Variants in ITGB2 observed in about 807,000 individuals in gnomAD.
ITGB2 encodes the protein integrin beta-2.
ITGB2 carries 56 observed loss-of-function variants against 86.8 expected under a neutral mutation model. The observed-to-expected ratio is 0.65, with a 90% CI of 0.52 to 0.81. The LOEUF (loss-of-function observed/expected upper bound fraction) is 0.81. Ranked by LOEUF, ITGB2 falls within the 30% of genes least tolerant of loss-of-function variation. The pLI is 0.00. For synonymous variants in ITGB2, 457 were observed against 450.4 expected (o/e 1.01, Z -0.19); for missense variants, 948 against 1,061.2 (o/e 0.89, Z 1.48).
intron 11 of ITGB2, 149 bp from the exon 12 acceptor site, chr21:44,890,371 G>A (rs763926430): frequency 5.7e-5 from 56 of 987,794 alleles, no homozygotes; most frequent in Non-Finnish European, 7.3e-5. Flanking sequence ...CACTTGCCAC[G>A]GACTAAATGT....
At chr21:44,895,758 G>A (rs1216088881) in intron 8 of ITGB2, among the ~76,000 whole-genome samples, 3 of 151,758 alleles carry the variant, frequency 2.0e-5, no homozygotes, top group African/African-American at 7.3e-5. Context: ...GGAGAACCCA[G>A]GAGGCGGAGG....
chr21:44,918,968 G>GT (rs1568909557), intron 1 of ITGB2, among the ~76,000 whole-genome samples: 4 of 94,724 alleles, frequency 4.2e-5, no homozygotes, highest in African/African-American at 5.9e-5. Flanking sequence ...GGAGCTGAGC[G>GT]TCCCCTCTCC....
At chr21:44,894,382 A>G (rs529704042) in intron 9 of ITGB2, 4 of 169,280 alleles carry the variant, frequency 2.4e-5, no homozygotes, top group Non-Finnish European at 5.2e-5. Context: ...TTTCCAGAGC[A>G]GTCGGGACCT....
At chr21:44,925,472 G>A (rs144070184), upstream of ITGB2, among the ~76,000 whole-genome samples, 4,907 of 145,204 alleles carry the variant, frequency 0.034, 294 homozygotes, top group African/African-American at 0.12. Flanking sequence ...AGGAAGGAAG[G>A]AAGGAAGGAA....
Position 44,886,041 on chromosome 21 carries a change from CCT to C in ITGB2, c.*325_*326del, listed in dbSNP as rs1467518625. 2.5e-6 allele frequency: 1 copy of C among 402,232 alleles called. No individual in the cohort carries two copies. The highest frequency in any genetic ancestry group is 4.6e-6 in the Non-Finnish European group (1 of 215,988). The allele number at this position is 402,232 out of a possible 1,614,324, so 24.9% of individuals were successfully genotyped here. ...TAATTAATGGGATGTCATTTTATACCCTGACAAGTTTAAATGTAAATAAATTG... is the reference window on the plus strand; with the variant it reads ...TAATTAATGGGATGTCATTTTATACCGACAAGTTTAAATGTAAATAAATTG... On this transcript the variant is annotated 3_prime_UTR_variant, in exon 16 of 16. Transcript: ENST00000652462.
chr21:44,908,468 T>C (rs567522764), intron 3 of ITGB2, among the ~76,000 whole-genome samples: 2 of 152,216 alleles, frequency 1.3e-5, no homozygotes, highest in Non-Finnish European at 2.9e-5. Flanking sequence ...TTCCAGACAT[T>C]GTATGAAAAA....
chr21:44,925,469 AAGG>A (rs2084361765), upstream of ITGB2, among the ~76,000 whole-genome samples: 1 of 151,214 alleles, frequency 6.6e-6, no homozygotes, highest in African/African-American at 2.4e-5. Flanking sequence ...GGAAGGAAGG[AAGG>A]AAGGAAGGAA....
intron 3 of ITGB2, 146 bp from the exon 4 acceptor site, chr21:44,907,241 G>C (rs2084058278): frequency 1.5e-6 from 1 of 648,666 alleles, no homozygotes. Flanking sequence ...GACAGAGACA[G>C]GGAGCTCCTT....
chr21:44,923,831 C>G (rs559204758), upstream of ITGB2, among the ~76,000 whole-genome samples: 1 of 152,216 alleles, frequency 6.6e-6, no homozygotes, highest in Non-Finnish European at 1.5e-5. Flanking sequence ...AAGAAAGGCT[C>G]TCTATCAGAT....
chr21:44,926,550 C>A (rs939085735), intron 1 of ITGB2, among the ~76,000 whole-genome samples: 2 of 152,200 alleles, frequency 1.3e-5, no homozygotes, highest in Non-Finnish European at 2.9e-5. Context: ...TCCAGCCAAG[C>A]AGCCACAGGA....
intron 1 of ITGB2, chr21:44,928,196 C>T (rs1443360949): frequency 6.6e-6 from 1 of 152,226 alleles, no homozygotes; most frequent in Non-Finnish European, 1.5e-5. Context: ...GCCAGACAGG[C>T]TCACCTGTCA....
intron 5 of ITGB2, among the ~76,000 whole-genome samples, chr21:44,902,596 C>A (rs1237711723): frequency 6.6e-6 from 1 of 151,766 alleles, no homozygotes. Flanking sequence ...TGTGAGCATG[C>A]ATTCGCGTGT....
chr21:44,904,735 C>T (rs1216870357), intron 4 of ITGB2, among the ~76,000 whole-genome samples: 1 of 151,928 alleles, frequency 6.6e-6, no homozygotes, highest in Non-Finnish European at 1.5e-5. Context: ...CACATATACA[C>T]ATGCCACACA....
chr21:44,921,864 G>T (rs1332553777), upstream of ITGB2, among the ~76,000 whole-genome samples: 1 of 152,100 alleles, frequency 6.6e-6, no homozygotes, highest in East Asian at 1.9e-4. Context: ...TGGGATTACA[G>T]GCACATGTAC....
At chr21:44,886,940 C>T (rs2083708487) in intron 14 of ITGB2, 38 bp from the exon 15 acceptor site, 1 of 1,607,924 alleles carries the variant, frequency 6.2e-7, no homozygotes. Flanking sequence ...TCAGTCCAGC[C>T]CCATCTCACT....
At chr21:44,892,741 A>C (rs1440865984) in intron 10 of ITGB2, among the ~76,000 whole-genome samples, 2 of 150,508 alleles carry the variant, frequency 1.3e-5, no homozygotes, top group Non-Finnish European at 2.9e-5. Context: ...AGCAAAAAAA[A>C]AAACAAAAAA....
At position 44,915,796 on chromosome 21, in the gene ITGB2, G is replaced by C. The variant is rs1478622699; in HGVS notation, c.-3-5011C>G. Among the ~76,000 whole-genome samples, 3 of 152,208 alleles carry C rather than the reference G, an allele frequency of 2.0e-5. No homozygotes were observed. The East Asian group carries it at 5.8e-4, about 29-fold the overall frequency. On this transcript the variant is annotated intron_variant, in intron 1 of 15. Transcript: ENST00000652462. The stretch of plus-strand genomic sequence containing the variant: ...AGGAACAAGTCGGAGCAGAGAGGAT[G>C]CAGGAAAACCCAGCCCATGTCGCCT...
rs1042405309 is a variant in ITGB2 at position 44,892,105 on chromosome 21, G to C, written c.1225-109C>G. On this transcript the variant is annotated intron_variant, in intron 10 of 15. Coordinates refer to ENST00000652462, the MANE Select transcript of ITGB2 (RefSeq NM_000211.5). ...GCAGGGGTCCTGGGGGGTTCAGCGT[G>C]GGGAGGAAGGGGTGACCAGGAGCAG... 3 of 1,040,352 alleles carry C rather than the reference G, an allele frequency of 2.9e-6. No individual in the cohort carries two copies. The Admixed American group carries it at 6.0e-5, about 21-fold the overall frequency. 64.4% of individuals were successfully genotyped at this position (1,040,352 alleles called of 1,614,324 possible). A position where few individuals can be genotyped will look rare whatever the true frequency, so the allele number is the denominator to read the frequency against.
chr21:44,889,837 C>T lies in ITGB2; in HGVS notation c.1657+141G>A, dbSNP rs538496168. ...GGCCATCCAAGTTCCTGCTGACGCC[C>T]GGTGGCTGGGCGAGACTTGCACTGT... On this transcript the variant is annotated intron_variant, in intron 12 of 15. Transcript: ENST00000652462. The T allele has an allele frequency of 5.8e-4, 739 of 1,273,810 alleles. 2 individuals carry two copies. The highest frequency in any genetic ancestry group is 6.8e-4 in the Admixed American group (39 of 56,948). The allele number at this position is 1,273,810 out of a possible 1,614,324, so 78.9% of individuals were successfully genotyped here. A position where few individuals can be genotyped will look rare whatever the true frequency, so the allele number is the denominator to read the frequency against.
Sources: gnomAD v4.1 joint callset for allele counts (sites outside exome capture counted in the v4.1 genomes callset) on GRCh38, gnomAD v4.1.1 for gene constraint, MANE v1.5 for transcripts, NCBI Gene and HGNC (gene_info 2026-07-23, HGNC 2026-07-21) for gene names.